INSR: variants seen among roughly 807,000 people sequenced by gnomAD.
The protein encoded by INSR is insulin receptor.
In INSR, 67 loss-of-function variants were observed where a neutral mutation model predicts 142.6. The ratio of observed to expected loss-of-function variants is 0.47; its 90% confidence interval spans 0.39 to 0.58. INSR has a LOEUF of 0.58. Among genes scored for constraint, INSR ranks in the 20% least tolerant of loss-of-function variants. The pLI is 0.00. For missense variants in INSR, 1,248 were observed against 1,833.2 expected (o/e 0.68, Z 5.83); for synonymous variants, 756 against 743.1 (o/e 1.02, Z -0.28).
chr19:7,142,178 G>T (rs992871849), intron 12 of INSR, among the ~76,000 whole-genome samples: 1 of 151,618 alleles, frequency 6.6e-6, no homozygotes, highest in Non-Finnish European at 1.5e-5. Flanking sequence ...CAAGGTTGGC[G>T]GACCACTTGA....
chr19:7,290,765 CAAAAAAAAAAAAGA>C (rs1968469573), intron 1 of INSR, among the ~76,000 whole-genome samples: 1 of 106,212 alleles, frequency 9.4e-6, no homozygotes, highest in African/African-American at 3.9e-5. Context: ...CACCCTGTCT[CAAAAAAAAAAAAGA>C]AAAAAAAAAA....
chr19:7,181,773 G>A (rs1207644966), intron 3 of INSR, among the ~76,000 whole-genome samples: 1 of 151,448 alleles, frequency 6.6e-6, no homozygotes, highest in East Asian at 2.0e-4. Flanking sequence ...TAAAGACGGG[G>A]TTTCACCGTG....
intron 1 of INSR, among the ~76,000 whole-genome samples, chr19:7,288,510 C>T (rs568045152): frequency 2.0e-5 from 3 of 152,020 alleles, no homozygotes; most frequent in African/African-American, 4.8e-5. Flanking sequence ...ATGGTGGCAC[C>T]TGCCTGTGAT....
rs536895165 is a variant in INSR, at chr19:7,272,086, C to T, written c.101-4190G>A. Among the ~76,000 whole-genome samples the T allele has an allele frequency of 1.4e-3, 220 of 152,196 alleles. 3 individuals carry two copies. Among genetic ancestry groups the T allele is most frequent in the African/African-American group, 5.0e-3 (209 of 41,522 alleles). On this transcript the variant is annotated intron_variant, in intron 1 of 21. Transcript: ENST00000302850. ...GCGGGAGGCCGAGGTGGGCGGATCA[C>T]GAGGTCAGGAGATTGAGACCATCCT...
chr19:7,112,582 G>A lies in INSR; in HGVS notation c.*4474C>T, dbSNP rs1052371. 34,970 of 152,052 alleles carry A rather than the reference G, an allele frequency of 0.23. 4,655 individuals carry two copies. The highest frequency in any genetic ancestry group is 0.42 in the East Asian group (2,173 of 5,170). The allele number at this position is 152,052 out of a possible 1,614,324, so 9.4% of individuals were successfully genotyped here. ...AAGCTGTTCCTGAATATGTGCATGG[G>A]TGCACACTTATTTTGAGGCTCTTCC... On this transcript the variant is annotated 3_prime_UTR_variant, in exon 22 of 22. Transcript: ENST00000302850.
chr19:7,131,628 G>A (rs560270761), intron 14 of INSR, among the ~76,000 whole-genome samples: 12 of 150,316 alleles, frequency 8.0e-5, no homozygotes, highest in Admixed American at 4.6e-4. Flanking sequence ...TTACAGGTGT[G>A]AGCCACCGTG....
intron 1 of INSR, chr19:7,268,757 G>GT (rs1568229949): frequency 7.3e-6 from 2 of 275,550 alleles, no homozygotes; most frequent in African/African-American, 4.6e-5. Flanking sequence ...TCTTCTTGCT[G>GT]TTGTTTATTC....
chr19:7,151,181 TTTC>T (rs1476399565), intron 10 of INSR, among the ~76,000 whole-genome samples: 10 of 56,320 alleles, frequency 1.8e-4, no homozygotes, highest in African/African-American at 4.6e-4. Flanking sequence ...TCTTTCTTTC[TTTC>T]TTTCTTTCTT....
intron 2 of INSR, among the ~76,000 whole-genome samples, chr19:7,185,391 C>T (rs776207547): frequency 6.6e-6 from 1 of 152,098 alleles, no homozygotes; most frequent in African/African-American, 2.4e-5. Flanking sequence ...AACTGAGGTA[C>T]AGGGAGGTTA....
intron 1 of INSR, among the ~76,000 whole-genome samples, chr19:7,287,824 C>T (rs1057402615): frequency 7.2e-5 from 11 of 152,184 alleles, no homozygotes; most frequent in Admixed American, 6.6e-4. Flanking sequence ...GCGTCTGTTC[C>T]AGATCAGAGG....
chr19:7,234,841 G>A (rs1568208271), intron 2 of INSR, among the ~76,000 whole-genome samples: 2 of 151,674 alleles, frequency 1.3e-5, no homozygotes, highest in East Asian at 1.9e-4. Flanking sequence ...GGGTGGACAC[G>A]AGGTCAGGAG....
At chr19:7,206,266 C>G (rs1254476872) in intron 2 of INSR, among the ~76,000 whole-genome samples, 1 of 152,074 alleles carries the variant, frequency 6.6e-6, no homozygotes, top group African/African-American at 2.4e-5. Flanking sequence ...CTCTTGGGCT[C>G]ACTCAATCTT....
At chr19:7,273,864 A>T (rs553490620) in intron 1 of INSR, among the ~76,000 whole-genome samples, 4 of 151,894 alleles carry the variant, frequency 2.6e-5, no homozygotes, top group Non-Finnish European at 4.4e-5. Context: ...ACCATGGCTC[A>T]CACCTGTAAT....
intron 2 of INSR, among the ~76,000 whole-genome samples, chr19:7,244,600 C>T (rs184546982): frequency 1.6e-3 from 245 of 151,978 alleles, no homozygotes; most frequent in African/African-American, 5.7e-3. Context: ...AGGAAAAATA[C>T]GAAAGTATTG....
chr19:7,293,917 G>C lies in INSR; in HGVS notation c.-26C>G, dbSNP rs1459635084. The C allele has an allele frequency of 2.8e-5, 33 of 1,188,072 alleles. No individual in the cohort carries two copies. Among genetic ancestry groups the C allele is most frequent in the Non-Finnish European group, 3.2e-5 (31 of 963,612 alleles). The allele number at this position is 1,188,072 out of a possible 1,614,324, so 73.6% of individuals were successfully genotyped here. ...GGCTGCGGGAGCGCGGGGTCTCCTCGGATCAGAGCGCGCGGCGCTGGCCCG... is the reference window on the plus strand; with the variant it reads ...GGCTGCGGGAGCGCGGGGTCTCCTCCGATCAGAGCGCGCGGCGCTGGCCCG... On this transcript the variant is annotated 5_prime_UTR_variant, in exon 1 of 22. Transcript: ENST00000302850.
chr19:7,155,328 A>G (rs1300001509), intron 9 of INSR, among the ~76,000 whole-genome samples: 5 of 152,132 alleles, frequency 3.3e-5, no homozygotes, highest in African/African-American at 1.2e-4. Flanking sequence ...TGAGGTCAGG[A>G]GTTCGAGACC....
At chr19:7,196,414 A>T (rs1211450448) in intron 2 of INSR, among the ~76,000 whole-genome samples, 1 of 152,228 alleles carries the variant, frequency 6.6e-6, no homozygotes, top group African/African-American at 2.4e-5. Context: ...ATCTAGATAT[A>T]ATCTTGCAAT....
chr19:7,278,871 G>C (rs1968135493), intron 1 of INSR, among the ~76,000 whole-genome samples: 1 of 152,110 alleles, frequency 6.6e-6, no homozygotes, highest in Non-Finnish European at 1.5e-5. Flanking sequence ...GCGTATGCCT[G>C]TAATCGCAGC....
At chr19:7,181,225 C>T (rs1040053215) in intron 3 of INSR, among the ~76,000 whole-genome samples, 2 of 152,244 alleles carry the variant, frequency 1.3e-5, no homozygotes, top group East Asian at 1.9e-4. Context: ...GGGTTATAGG[C>T]GTGAGCCACC....
Sources: allele counts gnomAD v4.1 joint callset (sites outside exome capture counted in the v4.1 genomes callset), GRCh38; gene constraint gnomAD v4.1.1; transcripts MANE v1.5; gene names NCBI Gene and HGNC (gene_info 2026-07-23, HGNC 2026-07-21).